The following ZC3H12C variants were observed in gnomAD, a reference collection of about 807,000 sequenced individuals.
The protein encoded by ZC3H12C is zinc finger CCCH-type containing 12C, also known as probable ribonuclease ZC3H12C.
A neutral mutation model predicts 76.3 loss-of-function variants in ZC3H12C; 20 were observed. The ratio of observed to expected loss-of-function variants is 0.26; its 90% CI spans 0.18 to 0.38. ZC3H12C has a LOEUF of 0.38. ZC3H12C is among the 10% of genes least tolerant of loss of function. The pLI is 1.00. For missense variants in ZC3H12C, 874 were observed against 1,086.5 expected (o/e 0.80, Z 2.75); for synonymous variants, 352 against 399.6 (o/e 0.88, Z 1.42).
intron 1 of ZC3H12C, among the ~76,000 whole-genome samples, chr11:110,118,806 T>C (rs908094818): frequency 6.6e-6 from 1 of 151,912 alleles, no homozygotes; most frequent in South Asian, 2.1e-4. Context: ...CAAAAAAAAT[T>C]AAAATAAAAT....
At chr11:110,143,573 A>G (rs1021435311) in intron 2 of ZC3H12C, among the ~76,000 whole-genome samples, 3 of 152,078 alleles carry the variant, frequency 2.0e-5, no homozygotes, top group African/African-American at 7.2e-5. Flanking sequence ...TCTTTCTCTA[A>G]TATAATTAAC....
chr11:110,104,215 C>G (rs75835409), intron 1 of ZC3H12C, among the ~76,000 whole-genome samples: 1 of 151,940 alleles, frequency 6.6e-6, no homozygotes, highest in Non-Finnish European at 1.5e-5. Flanking sequence ...TGCACCACCA[C>G]ACCCAAGTAA....
At position 110,166,270 on chromosome 11, in the gene ZC3H12C, A is replaced by C. The variant is rs895068812; in HGVS notation, c.*533A>C. ...TGCTATAATCATTATTTATAGAAACAAAGTTATACTACAGCACTGACTTTA... is the reference window on the plus strand; with the variant it reads ...TGCTATAATCATTATTTATAGAAACCAAGTTATACTACAGCACTGACTTTA... On this transcript the variant is annotated 3_prime_UTR_variant, in exon 6 of 6. Transcript: ENST00000278590. 6.5e-6 allele frequency: 1 copy of C among 153,888 alleles called. No homozygotes were observed. Among genetic ancestry groups the C allele is most frequent in the African/African-American group, 2.4e-5 (1 of 41,454 alleles). 9.5% of individuals were successfully genotyped at this position (153,888 alleles called of 1,614,324 possible).
At chr11:110,126,875 A>G (rs751056274) in intron 1 of ZC3H12C, among the ~76,000 whole-genome samples, 5 of 152,184 alleles carry the variant, frequency 3.3e-5, no homozygotes, top group Non-Finnish European at 7.3e-5. Flanking sequence ...ATACTTCTCT[A>G]TGAGCTTTAT....
chr11:110,151,192 G>T (rs1437777446), intron 2 of ZC3H12C, among the ~76,000 whole-genome samples: 6 of 152,032 alleles, frequency 3.9e-5, no homozygotes, highest in Admixed American at 1.3e-4. Context: ...AATTGTAAAT[G>T]GTTTGCTGTT....
chr11:110,138,463 T>C (rs1402505292), intron 2 of ZC3H12C, among the ~76,000 whole-genome samples: 2 of 151,840 alleles, frequency 1.3e-5, no homozygotes, highest in Non-Finnish European at 2.9e-5. Context: ...GTAAAATTAA[T>C]GTGACTAATG....
Position 110,165,401 on chromosome 11 carries a change from A to G in ZC3H12C, c.2316A>G (p.Glu772=), listed in dbSNP as rs770167463. ...AAAGAAAGCCTTATTCCCGCCAGGA[A>G]GGCCTGGGAAGCTGGGAGAGGCCAG... ...SRQRKPYSRQ[E]GLGSWERPGY... is the part of the protein sequence containing the mutation. The change falls in exon 6 of 6, where the codon GAA becomes GAG. Residue 772 remains glutamate (E), a synonymous_variant. Coordinates refer to ENST00000278590, the MANE Select transcript of ZC3H12C (RefSeq NM_033390.2). 6.2e-7 allele frequency: 1 copy of G among 1,614,038 alleles called. No homozygotes were observed. The highest frequency in any genetic ancestry group is 1.7e-5 in the Admixed American group (1 of 60,030).
chr11:110,103,201 C>A (rs538162060), intron 1 of ZC3H12C, among the ~76,000 whole-genome samples: 3 of 152,072 alleles, frequency 2.0e-5, no homozygotes, highest in Non-Finnish European at 4.4e-5. Context: ...ACTTGGAATG[C>A]GTTGTGTGAT....
At chr11:110,137,937 G>GA (rs923093850) in intron 2 of ZC3H12C, among the ~76,000 whole-genome samples, 8 of 151,212 alleles carry the variant, frequency 5.3e-5, no homozygotes, top group Non-Finnish European at 1.0e-4. Context: ...GAACTGGGGG[G>GA]AAAAAAAAGC....
chr11:110,157,378 G>A (rs1425047796), intron 3 of ZC3H12C, among the ~76,000 whole-genome samples: 1 of 151,442 alleles, frequency 6.6e-6, no homozygotes, highest in Non-Finnish European at 1.5e-5. Context: ...TGTCTGATGT[G>A]GAAAGTGGCA....
intron 1 of ZC3H12C, among the ~76,000 whole-genome samples, chr11:110,126,220 T>C (rs373234642): frequency 0.57 from 63,330 of 111,352 alleles, 15,390 homozygotes; most frequent in East Asian, 0.77. Flanking sequence ...TTTCTTCTTT[T>C]TTTTTTTTTT....
At chr11:110,149,496 G>A (rs912312255) in intron 2 of ZC3H12C, among the ~76,000 whole-genome samples, 1 of 152,172 alleles carries the variant, frequency 6.6e-6, no homozygotes. Flanking sequence ...CTCCCAAATA[G>A]TTATACCAAT....
chr11:110,133,093 A>G (rs564884390), intron 1 of ZC3H12C, among the ~76,000 whole-genome samples: 1 of 152,116 alleles, frequency 6.6e-6, no homozygotes, highest in Non-Finnish European at 1.5e-5. Context: ...TTAAATCTTT[A>G]TCATGTAGCT....
intron 2 of ZC3H12C, among the ~76,000 whole-genome samples, chr11:110,149,753 G>A (rs750373456): frequency 2.6e-5 from 4 of 152,066 alleles, no homozygotes; most frequent in Non-Finnish European, 4.4e-5. Context: ...TTTAATATAC[G>A]AGAGTACTTT....
At chr11:110,154,558 T>G (rs968870979) in intron 3 of ZC3H12C, among the ~76,000 whole-genome samples, 2 of 152,046 alleles carry the variant, frequency 1.3e-5, no homozygotes, top group African/African-American at 4.8e-5. Context: ...GGGAAAAATG[T>G]ACTTGTTTAG....
At chr11:110,153,183 G>A (rs1862307351) in intron 3 of ZC3H12C, 125 bp downstream of exon 3, 9 of 1,209,404 alleles carry the variant, frequency 7.4e-6, no homozygotes, top group Middle Eastern at 2.2e-4. Context: ...CACAAACGTT[G>A]TTTTTTGTTG....
intron 2 of ZC3H12C, among the ~76,000 whole-genome samples, chr11:110,150,403 A>G (rs1474562293): frequency 3.9e-5 from 6 of 152,010 alleles, no homozygotes; most frequent in African/African-American, 9.7e-5. Context: ...AAAGATCTGT[A>G]TGGCTTTTAT....
chr11:110,101,427 G>A lies in ZC3H12C; in HGVS notation c.21+7995G>A, dbSNP rs184843496. Among the ~76,000 whole-genome samples, 17 of 152,308 alleles carry A rather than the reference G, an allele frequency of 1.1e-4. No homozygotes were observed. The East Asian group carries it at 1.9e-3, about 17-fold the overall frequency. ...AGCTAGAGAGGAGAGGACAATGTCT[G>A]ACTGCAAGGACAGGCTGAAGGACAA... On this transcript the variant is annotated intron_variant, in intron 1 of 5. Transcript: ENST00000278590.
intron 1 of ZC3H12C, among the ~76,000 whole-genome samples, chr11:110,113,612 G>C (rs1207732177): frequency 2.0e-5 from 3 of 152,150 alleles, no homozygotes. Context: ...AGGGGTCTAT[G>C]TTACAAAAAT....
Sources: allele counts gnomAD v4.1 joint callset (sites outside exome capture counted in the v4.1 genomes callset), GRCh38; gene constraint gnomAD v4.1.1; transcripts MANE v1.5; gene names NCBI Gene and HGNC (gene_info 2026-07-23, HGNC 2026-07-21).